GRID2: variants seen among roughly 807,000 people sequenced by gnomAD.
GRID2 encodes glutamate ionotropic receptor delta type subunit 2.
A neutral mutation model predicts 114.8 loss-of-function variants in GRID2; 33 were observed. The ratio of observed to expected loss-of-function variants is 0.29; its 90% CI spans 0.22 to 0.38. The LOEUF is 0.38. Ranked by LOEUF, GRID2 falls within the 10% of genes least tolerant of loss-of-function variation. The pLI is 1.00. For synonymous variants in GRID2, 505 were observed against 449.9 expected (o/e 1.12, Z -1.55); for missense variants, 1,184 against 1,257.7 (o/e 0.94, Z 0.89).
At chr4:92,476,171 G>T (rs1015491449) in intron 1 of GRID2, among the ~76,000 whole-genome samples, 10 of 151,776 alleles carry the variant, frequency 6.6e-5, no homozygotes, top group Admixed American at 3.9e-4. Context: ...GACTACAGGC[G>T]CCTGGCACCA....
At chr4:92,780,219 ATTACT>A (rs1209462912) in intron 2 of GRID2, among the ~76,000 whole-genome samples, 1 of 152,146 alleles carries the variant, frequency 6.6e-6, no homozygotes, top group Non-Finnish European at 1.5e-5. Context: ...TATTGGTCAG[ATTACT>A]TTATTTCTGG....
intron 2 of GRID2, among the ~76,000 whole-genome samples, chr4:93,044,614 G>T (rs1578836699): frequency 6.6e-6 from 1 of 152,118 alleles, no homozygotes; most frequent in Non-Finnish European, 1.5e-5. Context: ...TTTTGTTATT[G>T]TTGCTTAAGC....
chr4:93,094,719 T>C (rs1330708228), intron 3 of GRID2, among the ~76,000 whole-genome samples: 1 of 151,968 alleles, frequency 6.6e-6, no homozygotes, highest in African/African-American at 2.4e-5. Flanking sequence ...GAAACAGGAC[T>C]CCTACTTACA....
At chr4:92,506,556 T>C (rs949361728) in intron 1 of GRID2, among the ~76,000 whole-genome samples, 2 of 151,900 alleles carry the variant, frequency 1.3e-5, no homozygotes, top group African/African-American at 4.8e-5. Flanking sequence ...CTATGAAGAG[T>C]ACTGAATCTT....
intron 3 of GRID2, among the ~76,000 whole-genome samples, chr4:93,106,572 C>T (rs1429241001): frequency 1.3e-5 from 2 of 152,260 alleles, no homozygotes; most frequent in Middle Eastern, 3.4e-3. Context: ...ATCCACCTGC[C>T]TTGGCCTCCC....
At chr4:92,684,901 A>AT (rs1451613596) in intron 2 of GRID2, among the ~76,000 whole-genome samples, 2 of 152,058 alleles carry the variant, frequency 1.3e-5, no homozygotes, top group Non-Finnish European at 2.9e-5. Context: ...GTGCTAATTT[A>AT]TATTAAGTCT....
chr4:93,346,684 A>G (rs1760270671), intron 8 of GRID2, among the ~76,000 whole-genome samples: 1 of 152,154 alleles, frequency 6.6e-6, no homozygotes, highest in African/African-American at 2.4e-5. Flanking sequence ...GCTCATTTGA[A>G]AGTTGCCACA....
intron 14 of GRID2, among the ~76,000 whole-genome samples, chr4:93,747,292 T>G (rs1019739162): frequency 1.1e-4 from 16 of 152,152 alleles, no homozygotes; most frequent in African/African-American, 3.6e-4. Context: ...CCAAAATACA[T>G]TTATCTCTGC....
chr4:92,677,263 G>C (rs1245394129), intron 2 of GRID2, among the ~76,000 whole-genome samples: 1 of 152,066 alleles, frequency 6.6e-6, no homozygotes, highest in South Asian at 2.1e-4. Context: ...GGATTAAAGA[G>C]CAAATTTTAA....
At chr4:92,744,444 C>T (rs542403773) in intron 2 of GRID2, among the ~76,000 whole-genome samples, 17 of 150,012 alleles carry the variant, frequency 1.1e-4, no homozygotes, top group African/African-American at 3.2e-4. Context: ...GCTGAGATCA[C>T]GCTACTGCAC....
intron 2 of GRID2, among the ~76,000 whole-genome samples, chr4:92,687,186 T>A (rs1733948432): frequency 6.6e-6 from 1 of 151,920 alleles, no homozygotes; most frequent in African/African-American, 2.4e-5. Context: ...TTTTTGATTT[T>A]TTTTTTTTTT....
intron 8 of GRID2, among the ~76,000 whole-genome samples, chr4:93,247,183 C>G (rs1016447048): frequency 2.6e-5 from 4 of 152,092 alleles, no homozygotes; most frequent in African/African-American, 9.7e-5. Flanking sequence ...AAAATAGGAA[C>G]GACTTTTCTA....
intron 14 of GRID2, among the ~76,000 whole-genome samples, chr4:93,765,691 A>G (rs935419538): frequency 2.0e-5 from 3 of 151,078 alleles, no homozygotes; most frequent in Non-Finnish European, 4.4e-5. Context: ...TTCCAAGTTT[A>G]GAAAGAATAA....
chr4:93,264,596 G>A (rs1324560270), intron 8 of GRID2, among the ~76,000 whole-genome samples: 2 of 150,506 alleles, frequency 1.3e-5, no homozygotes, highest in African/African-American at 4.9e-5. Context: ...GATGACTTTT[G>A]GTTTCTGTGT....
intron 2 of GRID2, among the ~76,000 whole-genome samples, chr4:92,985,517 G>A (rs1754465030): frequency 6.6e-6 from 1 of 152,148 alleles, no homozygotes; most frequent in African/African-American, 2.4e-5. Context: ...GATTACAGGC[G>A]TAAGCCACCG....
At chr4:92,848,208 A>G (rs1209722810) in intron 2 of GRID2, among the ~76,000 whole-genome samples, 5 of 143,648 alleles carry the variant, frequency 3.5e-5, no homozygotes, top group Non-Finnish European at 7.6e-5. Context: ...ACACAATCAC[A>G]CATTCAGGGA....
chr4:92,621,127 G>T (rs1347956682), intron 2 of GRID2, among the ~76,000 whole-genome samples: 1 of 151,644 alleles, frequency 6.6e-6, no homozygotes, highest in Admixed American at 6.6e-5. Context: ...GTGTCATGGT[G>T]AATTGCTGCA....
intron 4 of GRID2, among the ~76,000 whole-genome samples, chr4:93,202,829 A>T (rs1254939276): frequency 6.6e-6 from 1 of 152,154 alleles, no homozygotes; most frequent in Non-Finnish European, 1.5e-5. Flanking sequence ...TGAGAAGCAT[A>T]AACAATATTA....
chr4:92,643,301 G>A (rs1274192822), intron 2 of GRID2, among the ~76,000 whole-genome samples: 2 of 151,404 alleles, frequency 1.3e-5, no homozygotes, highest in African/African-American at 4.8e-5. Flanking sequence ...AGTTCTTATT[G>A]TGGAGATCTT....
Sources: gnomAD v4.1 joint callset for allele counts (sites outside exome capture counted in the v4.1 genomes callset) on GRCh38, gnomAD v4.1.1 for gene constraint, MANE v1.5 for transcripts, NCBI Gene and HGNC (gene_info 2026-07-23, HGNC 2026-07-21) for gene names.